Variants in PPP2R3C observed in about 807,000 individuals in gnomAD.
PPP2R3C encodes the protein serine/threonine-protein phosphatase 2A regulatory subunit B'' subunit gamma.
In PPP2R3C, 47 loss-of-function variants were observed where a neutral mutation model predicts 63.7. The observed-to-expected ratio is 0.74, with a 90% confidence interval of 0.58 to 0.94. The LOEUF is 0.94. Ranked by LOEUF, PPP2R3C falls within the 40% of genes least tolerant of loss-of-function variation. The pLI, the probability that PPP2R3C is intolerant of heterozygous loss-of-function variation, is 0.00. For synonymous variants in PPP2R3C, 180 were observed against 177.4 expected (o/e 1.01, Z -0.12); for missense variants, 421 against 518.4 (o/e 0.81, Z 1.82).
intron 7 of PPP2R3C, among the ~76,000 whole-genome samples, chr14:35,097,468 G>A (rs1184827309): frequency 2.0e-5 from 3 of 149,868 alleles, no homozygotes; most frequent in Admixed American, 6.7e-5. Flanking sequence ...AGTTTGTTTT[G>A]TCTTGTTCTT....
chr14:35,121,844 C>T (rs1357769015), intron 1 of PPP2R3C, 58 bp downstream of exon 1: 3 of 1,584,914 alleles, frequency 1.9e-6, no homozygotes, highest in Non-Finnish European at 2.6e-6. Context: ...CACCTCCCCC[C>T]TACCTCTAGG....
intron 6 of PPP2R3C, among the ~76,000 whole-genome samples, chr14:35,105,014 G>A (rs1205763649): frequency 4.6e-5 from 7 of 150,742 alleles, no homozygotes; most frequent in African/African-American, 1.2e-4. Flanking sequence ...GATTACAGGC[G>A]TGAGCTACCG....
chr14:35,110,365 C>T, intron 3 of PPP2R3C, 160 bp downstream of exon 3: 2 of 564,618 alleles, frequency 3.5e-6, no homozygotes, highest in Non-Finnish European at 6.2e-6. Context: ...ATGACCCATG[C>T]AAACTCAGCG....
At chr14:35,114,513 G>A (rs770310499) in intron 2 of PPP2R3C, among the ~76,000 whole-genome samples, 2 of 152,126 alleles carry the variant, frequency 1.3e-5, no homozygotes, top group South Asian at 4.1e-4. Flanking sequence ...TGCAAATAAC[G>A]TTGTAATTAA....
chr14:35,103,202 A>C (rs2046252474), intron 6 of PPP2R3C, among the ~76,000 whole-genome samples: 1 of 152,192 alleles, frequency 6.6e-6, no homozygotes, highest in Non-Finnish European at 1.5e-5. Flanking sequence ...ACTGTGGCCC[A>C]AAAGGCCCTA....
intron 10 of PPP2R3C, among the ~76,000 whole-genome samples, chr14:35,093,649 G>A (rs1249704703): frequency 6.6e-6 from 1 of 151,820 alleles, no homozygotes; most frequent in Non-Finnish European, 1.5e-5. Flanking sequence ...AAATTTATCA[G>A]ATTCTTTTTT....
intron 5 of PPP2R3C, chr14:35,107,667 T>C (rs2046407099): frequency 2.6e-6 from 1 of 377,394 alleles, no homozygotes; most frequent in African/African-American, 2.0e-5. Flanking sequence ...TGAAGCTGCT[T>C]TTATTTCTGA....
chr14:35,120,803 G>T (rs1322852121), intron 1 of PPP2R3C, among the ~76,000 whole-genome samples: 2 of 152,224 alleles, frequency 1.3e-5, no homozygotes, highest in South Asian at 4.1e-4. Context: ...AAAATTAGCC[G>T]GGTGTGGTGG....
chr14:35,115,272 T>A (rs2046677365), intron 2 of PPP2R3C, among the ~76,000 whole-genome samples: 1 of 150,586 alleles, frequency 6.6e-6, no homozygotes, highest in South Asian at 2.1e-4. Flanking sequence ...AAGCGATCCT[T>A]CCACCTCAGC....
intron 9 of PPP2R3C, among the ~76,000 whole-genome samples, chr14:35,096,007 CAAATT>C (rs2045988130): frequency 6.6e-6 from 1 of 152,064 alleles, no homozygotes; most frequent in Non-Finnish European, 1.5e-5. Flanking sequence ...CAACAAGGAT[CAAATT>C]ACATTCTGTT....
At chr14:35,120,980 T>C (rs2046865139) in intron 1 of PPP2R3C, among the ~76,000 whole-genome samples, 1 of 151,550 alleles carries the variant, frequency 6.6e-6, no homozygotes, top group Non-Finnish European at 1.5e-5. Context: ...AAACACAGAT[T>C]GGCAGTTTGG....
chr14:35,117,218 G>A (rs1032558123), intron 1 of PPP2R3C: 2 of 454,444 alleles, frequency 4.4e-6, no homozygotes, highest in Admixed American at 4.7e-5. Context: ...TCCTCTGTCT[G>A]AAGCTCAAAA....
At chr14:35,095,533 A>C (rs993804575) in intron 9 of PPP2R3C, among the ~76,000 whole-genome samples, 3 of 152,142 alleles carry the variant, frequency 2.0e-5, no homozygotes, top group African/African-American at 7.2e-5. Context: ...AGCACTTGAA[A>C]GTAGAGATAA....
At chr14:35,086,814 G>C (rs996121437) in intron 12 of PPP2R3C, 3 of 151,274 alleles carry the variant, frequency 2.0e-5, no homozygotes, top group Non-Finnish European at 4.4e-5. Context: ...TTTTTTGTGT[G>C]TGTGAGATGG....
chr14:35,122,101 G>A (rs921652796), upstream of PPP2R3C: 36 of 788,834 alleles, frequency 4.6e-5, no homozygotes, highest in Non-Finnish European at 6.6e-5. Flanking sequence ...GGAAGTCTTG[G>A]CTAAAGAGGC....
intron 1 of PPP2R3C, among the ~76,000 whole-genome samples, chr14:35,117,961 TG>T (rs1431332165): frequency 1.3e-5 from 2 of 152,206 alleles, no homozygotes; most frequent in African/African-American, 4.8e-5. Flanking sequence ...CCCAAAGTGC[TG>T]GGATTACAGG....
At chr14:35,116,543 C>T (rs2046714301) in intron 2 of PPP2R3C, 67 bp downstream of exon 2, 3 of 1,353,892 alleles carry the variant, frequency 2.2e-6, no homozygotes, top group African/African-American at 3.0e-5. Flanking sequence ...GTATGAGCCA[C>T]CCTGCCTTGC....
At position 35,112,576 on chromosome 14, in the gene PPP2R3C, A is replaced by C. The variant is rs371818798; in HGVS notation, c.187-1947T>G. Among the ~76,000 whole-genome samples the C allele has an allele frequency of 1.8e-4, 27 of 152,302 alleles. No individual in the cohort carries two copies. The East Asian group carries it at 2.9e-3, about 16-fold the overall frequency. On this transcript the variant is annotated intron_variant, in intron 2 of 12. Transcript: ENST00000261475. The stretch of plus-strand genomic sequence containing the variant: ...CAGAGTTAAAGGAGTATAAACCAAA[A>C]ATAAAATTCTAAGGCCCCCCAACCA...
At chr14:35,100,507 G>C (rs1490716811) in intron 6 of PPP2R3C, 1 of 152,168 alleles carries the variant, frequency 6.6e-6, no homozygotes, top group Non-Finnish European at 1.5e-5. Context: ...ATGTACAGGG[G>C]TGCATCAGGA....
Sources: allele counts gnomAD v4.1 joint callset (sites outside exome capture counted in the v4.1 genomes callset), GRCh38; gene constraint gnomAD v4.1.1; transcripts MANE v1.5; gene names NCBI Gene and HGNC (gene_info 2026-07-23, HGNC 2026-07-21).